PCNX1: variants seen among roughly 807,000 people sequenced by gnomAD.
PCNX1 encodes the protein pecanex 1.
PCNX1 carries 78 observed loss-of-function variants against 242.2 expected under a neutral mutation model. The ratio of observed to expected loss-of-function variants is 0.32; its 90% CI spans 0.27 to 0.39. The LOEUF (loss-of-function observed/expected upper bound fraction) is 0.39, where lower values mean the gene tolerates loss of function less well. PCNX1 is among the 10% of genes least tolerant of loss of function. The probability of loss-of-function intolerance (pLI) is 1.00; values close to 1 mark genes in which losing one functional copy is unlikely to be tolerated. For missense variants in PCNX1, 2,581 were observed against 2,856.5 expected (o/e 0.90, Z 2.20); for synonymous variants, 1,024 against 1,032.9 (o/e 0.99, Z 0.17).
At chr14:70,993,568 C>G (rs767182144) in intron 7 of PCNX1, among the ~76,000 whole-genome samples, 1 of 151,894 alleles carries the variant, frequency 6.6e-6, no homozygotes, top group Non-Finnish European at 1.5e-5. Context: ...ATCTTAAAAA[C>G]CTTTTTGTAT....
At chr14:71,041,566 T>C (rs993357634) in intron 19 of PCNX1, among the ~76,000 whole-genome samples, 1 of 152,106 alleles carries the variant, frequency 6.6e-6, no homozygotes, top group Non-Finnish European at 1.5e-5. Flanking sequence ...CATCTCTGAT[T>C]TTATTTATTT....
Position 70,977,187 on chromosome 14 carries a change from C to G in PCNX1, c.850C>G (p.Pro284Ala), listed in dbSNP as rs1165280329. ...AAAAGACCACCGGCCGCGAGGTGTA[C>G]CACGGACTTCTAGCTCTGCTGTGGC... ...YRKDHRPRGV[P>A]RTSSSAVAFP... The change falls in exon 6 of 36, where the codon CCA becomes GCA. Residue 284 changes from proline to alanine, a missense_variant. Physicochemically the swap from Pro to Ala is conservative, Grantham distance 27. Transcript: ENST00000304743. 1.2e-6 allele frequency: 2 copies of G among 1,614,174 alleles called. No individual in the cohort carries two copies. The highest frequency in any genetic ancestry group is 1.7e-6 in the Non-Finnish European group (2 of 1,180,044).
At chr14:70,954,796 GTAT>G (rs2057929304) in intron 2 of PCNX1, among the ~76,000 whole-genome samples, 12 of 152,036 alleles carry the variant, frequency 7.9e-5, no homozygotes, top group Admixed American at 7.9e-4. Context: ...TTAAATTGAA[GTAT>G]TATTGGTGTA....
At chr14:70,983,556 G>A (rs938318046) in intron 6 of PCNX1, among the ~76,000 whole-genome samples, 1 of 152,100 alleles carries the variant, frequency 6.6e-6, no homozygotes, top group African/African-American at 2.4e-5. Flanking sequence ...GCCCACCTCG[G>A]CCTCCCAAAG....
At chr14:71,039,281 T>C (rs1351073169) in intron 19 of PCNX1, among the ~76,000 whole-genome samples, 1 of 152,186 alleles carries the variant, frequency 6.6e-6, no homozygotes, top group African/African-American at 2.4e-5. Flanking sequence ...ATGATTTCTC[T>C]GGGTTATGAA....
At chr14:71,021,999 T>G (rs2060115895) in intron 12 of PCNX1, among the ~76,000 whole-genome samples, 1 of 152,192 alleles carries the variant, frequency 6.6e-6, no homozygotes. Context: ...TCTTCACCTC[T>G]TTTGCAAGCT....
chr14:70,999,169 G>A (rs1033877645), intron 8 of PCNX1, among the ~76,000 whole-genome samples: 1 of 152,084 alleles, frequency 6.6e-6, no homozygotes, highest in Non-Finnish European at 1.5e-5. Context: ...ATAGAATTTG[G>A]CACTTCTCAG....
intron 30 of PCNX1, among the ~76,000 whole-genome samples, chr14:71,097,607 TTCTTA>T (rs1328300753): frequency 5.3e-5 from 8 of 152,226 alleles, no homozygotes; most frequent in African/African-American, 1.7e-4. Flanking sequence ...GGAGCATCTG[TTCTTA>T]TCTTTTGCCC....
chr14:70,917,426 A>T (rs891495476), intron 1 of PCNX1, among the ~76,000 whole-genome samples: 2 of 152,230 alleles, frequency 1.3e-5, no homozygotes, highest in African/African-American at 4.8e-5. Context: ...GGGCTGGAGA[A>T]TAGATGTTGT....
At chr14:70,916,443 C>A (rs748269634) in intron 1 of PCNX1, among the ~76,000 whole-genome samples, 2 of 151,966 alleles carry the variant, frequency 1.3e-5, no homozygotes, top group Admixed American at 6.6e-5. Context: ...AGAGTACAGG[C>A]GTACCTTGGA....
At chr14:71,056,350 G>A (rs895617924) in intron 25 of PCNX1, among the ~76,000 whole-genome samples, 1 of 152,126 alleles carries the variant, frequency 6.6e-6, no homozygotes, top group Non-Finnish European at 1.5e-5. Context: ...TTCAGCTCTG[G>A]TATGTGCTTG....
chr14:71,073,562 C>A lies in PCNX1; in HGVS notation c.4870C>A (p.Arg1624=). The A allele has an allele frequency of 6.2e-7, 1 of 1,611,078 alleles. No homozygotes were observed. The highest frequency in any genetic ancestry group is 1.7e-5 in the Admixed American group (1 of 59,676). Residue 1624 remains arginine, a synonymous_variant, in exon 27 of 36, where the codon CGG becomes AGG. Coordinates refer to ENST00000304743, the MANE Select transcript of PCNX1 (RefSeq NM_014982.3). ...LEFRGTYCQQ[R]EVEAITEGVE... is the part of the protein sequence containing the mutation. The stretch of plus-strand genomic sequence containing the variant: ...TCTCTAAGGTACCTACTGTCAACAA[C>A]GGGAAGTGGAGGCCATTACTGAAGG...
intron 2 of PCNX1, among the ~76,000 whole-genome samples, chr14:70,959,017 CAAA>C (rs34761560): frequency 2.6e-5 from 2 of 78,166 alleles, no homozygotes; most frequent in Non-Finnish European, 5.4e-5. Flanking sequence ...CAGATAATAG[CAAA>C]AAAAAAAAAA....
At chr14:71,028,398 G>A (rs1285529895) in intron 15 of PCNX1, among the ~76,000 whole-genome samples, 4 of 151,612 alleles carry the variant, frequency 2.6e-5, no homozygotes, top group Non-Finnish European at 5.9e-5. Flanking sequence ...CACATTTTTT[G>A]TTAATATAAG....
chr14:70,981,197 GCA>G (rs553812187), intron 6 of PCNX1, among the ~76,000 whole-genome samples: 328 of 152,206 alleles, frequency 2.2e-3, no homozygotes, highest in Non-Finnish European at 3.8e-3. Flanking sequence ...TAAGTTCCTG[GCA>G]CACAGTAAAT....
chr14:71,078,875 A>C (rs2061781661), intron 28 of PCNX1: 1 of 152,150 alleles, frequency 6.6e-6, no homozygotes, highest in Non-Finnish European at 1.5e-5. Context: ...TTATACTTTA[A>C]GTTCTGGGAT....
chr14:71,096,042 G>A (rs1289659516), intron 30 of PCNX1, among the ~76,000 whole-genome samples: 1 of 152,112 alleles, frequency 6.6e-6, no homozygotes, highest in Non-Finnish European at 1.5e-5. Context: ...TAGATGGGCC[G>A]GGTGCAGTGG....
chr14:71,030,682 T>A (rs2060356909), intron 16 of PCNX1, among the ~76,000 whole-genome samples: 1 of 152,202 alleles, frequency 6.6e-6, no homozygotes, highest in African/African-American at 2.4e-5. Context: ...TTTGTTTTCC[T>A]AAGAAATCTA....
In PCNX1 at chr14:70,978,191, C is replaced by A; in HGVS notation, c.1854C>A (p.His618Gln). Residue 618 changes from histidine to glutamine, a missense_variant, in exon 6 of 36, where the codon CAC becomes CAA. Coordinates refer to ENST00000304743, the MANE Select transcript of PCNX1 (RefSeq NM_014982.3). ...GAGCATCAAGTGTTCAGTCTGCTCA[C>A]CAGTTCAGCAGTGATAGCTCTTCTA... The part of the protein sequence containing the change: ...LSRASSVQSA[H>Q]QFSSDSSSST... 2 of 1,614,094 alleles carry A rather than the reference C, an allele frequency of 1.2e-6. No individual in the cohort carries two copies. The highest frequency in any genetic ancestry group is 1.7e-6 in the Non-Finnish European group (2 of 1,179,980).
Sources: allele counts gnomAD v4.1 joint callset (sites outside exome capture counted in the v4.1 genomes callset), GRCh38; gene constraint gnomAD v4.1.1; transcripts MANE v1.5; gene names NCBI Gene and HGNC (gene_info 2026-07-23, HGNC 2026-07-21).